ARID3B: variants seen among roughly 807,000 people sequenced by gnomAD.
The protein encoded by ARID3B is AT-rich interaction domain 3B.
A neutral mutation model predicts 51.9 loss-of-function variants in ARID3B; 10 were observed. The ratio of observed to expected loss-of-function variants is 0.19; its 90% CI spans 0.12 to 0.33. The LOEUF is 0.33. ARID3B is among the 10% of genes least tolerant of loss of function. The probability of loss-of-function intolerance (pLI) is 1.00; values close to 1 mark genes in which losing one functional copy is unlikely to be tolerated. For missense variants in ARID3B, 483 were observed against 716.3 expected, an observed-to-expected ratio of 0.67 and a Z score of 3.72; for synonymous variants, 205 against 279.5, an observed-to-expected ratio of 0.73 and a Z score of 2.66.
At chr15:74,575,348 C>T (rs1215639844) in intron 4 of ARID3B, among the ~76,000 whole-genome samples, 2 of 152,180 alleles carry the variant, frequency 1.3e-5, no homozygotes, top group Non-Finnish European at 2.9e-5. Context: ...TACTATATGT[C>T]CCCACTAGAC....
At chr15:74,566,736 G>A (rs1007968239) in intron 2 of ARID3B, among the ~76,000 whole-genome samples, 2 of 151,976 alleles carry the variant, frequency 1.3e-5, no homozygotes, top group African/African-American at 4.8e-5. Flanking sequence ...CGTGACAAAT[G>A]GTTCAGATTA....
intron 2 of ARID3B, among the ~76,000 whole-genome samples, chr15:74,556,002 C>T (rs531024613): frequency 5.0e-4 from 76 of 151,656 alleles, no homozygotes; most frequent in African/African-American, 1.6e-3. Flanking sequence ...CCGTGTTAGC[C>T]GGGATGGTCT....
At chr15:74,562,040 T>TAAAAAA (rs529889069) in intron 2 of ARID3B, among the ~76,000 whole-genome samples, 3 of 125,492 alleles carry the variant, frequency 2.4e-5, no homozygotes, top group South Asian at 2.6e-4. Context: ...GACTCTGTCT[T>TAAAAAA]AAAAAAAAAA....
intron 2 of ARID3B, among the ~76,000 whole-genome samples, chr15:74,570,462 C>CA (rs71137395): frequency 0.06 from 3,864 of 64,412 alleles, 924 homozygotes; most frequent in Non-Finnish European, 0.086. Flanking sequence ...CTATAATTAG[C>CA]AAAAAAAAAA....
intron 4 of ARID3B, among the ~76,000 whole-genome samples, chr15:74,579,295 G>A (rs1213596158): frequency 6.6e-6 from 1 of 152,204 alleles, no homozygotes; most frequent in African/African-American, 2.4e-5. Context: ...TCCCCTCCCT[G>A]AGCAGCAGAG....
At chr15:74,569,727 G>A (rs1229412570) in intron 2 of ARID3B, among the ~76,000 whole-genome samples, 1 of 152,242 alleles carries the variant, frequency 6.6e-6, no homozygotes, top group Non-Finnish European at 1.5e-5. Context: ...GGAGAAAGGT[G>A]TTGAATCTGC....
At position 74,595,814 on chromosome 15, in the gene ARID3B, A is replaced by G; in HGVS notation, c.*40A>G. Reference sequence around the variant, plus strand: ...CTTCCCACTTGCCACTCTCCTGTCGAGAGTGAAGGAAGTTGATGCACAGAA... The same window carrying G: ...CTTCCCACTTGCCACTCTCCTGTCGGGAGTGAAGGAAGTTGATGCACAGAA... On this transcript the variant is annotated 3_prime_UTR_variant, in exon 9 of 9. Transcript: ENST00000346246. 1 of 1,571,574 alleles carries G rather than the reference A, an allele frequency of 6.4e-7. No individual in the cohort carries two copies. The highest frequency in any genetic ancestry group is 8.6e-7 in the Non-Finnish European group (1 of 1,158,596).
In ARID3B at chr15:74,567,251, T is replaced by A. The variant is rs534674624; in HGVS notation, c.553-5611T>A. On this transcript the variant is annotated intron_variant, in intron 2 of 8. Coordinates refer to ENST00000346246, the MANE Select transcript of ARID3B (RefSeq NM_006465.4). ...GTTTATACCCCACTCCATGCTCATT[T>A]AGACTGCAAATCTCCCTTCAACCCA... Among the ~76,000 whole-genome samples, 8 of 152,314 alleles carry A rather than the reference T, an allele frequency of 5.3e-5. No homozygotes were observed. The South Asian group carries it at 1.7e-3, about 32-fold the overall frequency.
At position 74,596,003 on chromosome 15, in the gene ARID3B, C is replaced by T. The variant is rs2061823921; in HGVS notation, c.*229C>T. 1 of 516,028 alleles carries T rather than the reference C, an allele frequency of 1.9e-6. No individual in the cohort carries two copies. The highest frequency in any genetic ancestry group is 3.4e-6 in the Non-Finnish European group (1 of 294,844). 32.0% of individuals were successfully genotyped at this position (516,028 alleles called of 1,614,324 possible). A position where few individuals can be genotyped will look rare whatever the true frequency, so the allele number is the denominator to read the frequency against. ...ACAGCGTTGTCCAATCAGGGATTGTCCTGGAGAACTGGGTGGGGGTCTGTG... is the reference window on the plus strand; with the variant it reads ...ACAGCGTTGTCCAATCAGGGATTGTTCTGGAGAACTGGGTGGGGGTCTGTG... On this transcript the variant is annotated 3_prime_UTR_variant, in exon 9 of 9. Transcript: ENST00000346246.
At chr15:74,552,054 T>TC (rs1267254466) in intron 2 of ARID3B, among the ~76,000 whole-genome samples, 2 of 138,680 alleles carry the variant, frequency 1.4e-5, no homozygotes, top group South Asian at 4.8e-4. Flanking sequence ...TTTCTTTCTT[T>TC]CCTTTTTTTT....
chr15:74,589,787 C>G, intron 4 of ARID3B, 33 bp from the exon 5 acceptor site: 1 of 1,576,948 alleles, frequency 6.3e-7, no homozygotes, highest in South Asian at 1.1e-5. Flanking sequence ...GATGATGATC[C>G]CGCTGTCTCT....
chr15:74,572,795 C>T (rs966459346), intron 2 of ARID3B, 67 bp from the exon 3 acceptor site: 1 of 1,485,762 alleles, frequency 6.7e-7, no homozygotes, highest in African/African-American at 1.4e-5. Flanking sequence ...AAATGATTGC[C>T]TTGCCCTCTG....
At chr15:74,570,792 A>C (rs1445948412) in intron 2 of ARID3B, among the ~76,000 whole-genome samples, 1 of 152,242 alleles carries the variant, frequency 6.6e-6, no homozygotes, top group Non-Finnish European at 1.5e-5. Flanking sequence ...GACAGGCATA[A>C]TTCATCTTGA....
chr15:74,592,280 T>A (rs942950869), intron 7 of ARID3B, among the ~76,000 whole-genome samples: 2 of 152,212 alleles, frequency 1.3e-5, no homozygotes, highest in South Asian at 4.1e-4. Context: ...AACACAAGTT[T>A]GGCAGCATAA....
At chr15:74,583,979 T>C (rs2061771141) in intron 4 of ARID3B, among the ~76,000 whole-genome samples, 2 of 152,254 alleles carry the variant, frequency 1.3e-5, no homozygotes, top group South Asian at 4.1e-4. Flanking sequence ...CACTGCTGCC[T>C]GATTTCCCAG....
chr15:74,559,020 G>A (rs1467392788), intron 2 of ARID3B, among the ~76,000 whole-genome samples: 1 of 152,134 alleles, frequency 6.6e-6, no homozygotes, highest in East Asian at 1.9e-4. Flanking sequence ...AGTGTTTTTA[G>A]GCCCAGTTTA....
At chr15:74,577,693 T>C (rs1307171507) in intron 4 of ARID3B, among the ~76,000 whole-genome samples, 2 of 151,890 alleles carry the variant, frequency 1.3e-5, no homozygotes, top group Non-Finnish European at 2.9e-5. Flanking sequence ...AGCTAATTTT[T>C]CTGTTTTTTT....
intron 4 of ARID3B, among the ~76,000 whole-genome samples, chr15:74,581,683 G>T (rs1361660959): frequency 6.6e-6 from 1 of 152,090 alleles, no homozygotes; most frequent in Non-Finnish European, 1.5e-5. Flanking sequence ...TAAATACCCA[G>T]TTATCCACGA....
At chr15:74,571,404 GT>G (rs2061718509) in intron 2 of ARID3B, among the ~76,000 whole-genome samples, 1 of 152,206 alleles carries the variant, frequency 6.6e-6, no homozygotes, top group South Asian at 2.1e-4. Context: ...AGCCAGCTGG[GT>G]GGCATGGTAC....
Sources: gnomAD v4.1 joint callset for allele counts (sites outside exome capture counted in the v4.1 genomes callset) on GRCh38, gnomAD v4.1.1 for gene constraint, MANE v1.5 for transcripts, NCBI Gene and HGNC (gene_info 2026-07-23, HGNC 2026-07-21) for gene names.